The following CDC37L1 variants were observed in gnomAD, a reference collection of about 807,000 sequenced individuals.
CDC37L1 encodes the protein hsp90 co-chaperone Cdc37-like 1.
In CDC37L1, 32 loss-of-function variants were observed where a neutral mutation model predicts 45.9. The observed-to-expected ratio is 0.70, with a 90% CI of 0.53 to 0.94. The LOEUF (loss-of-function observed/expected upper bound fraction) is 0.94. Ranked by LOEUF, CDC37L1 falls within the 40% of genes least tolerant of loss-of-function variation. CDC37L1 has a pLI of 0.00. For missense variants in CDC37L1, 434 were observed against 405.7 expected (o/e 1.07, Z -0.60); for synonymous variants, 150 against 133.0 (o/e 1.13, Z -0.88).
chr9:4,688,754 A>T, intron 3 of CDC37L1, 148 bp downstream of exon 3: 1 of 489,934 alleles, frequency 2.0e-6, no homozygotes, highest in East Asian at 4.1e-5. Flanking sequence ...ATCTTGTTTT[A>T]GAATTTTTTT....
chr9:4,682,476 C>G (rs961747616), intron 1 of CDC37L1, among the ~76,000 whole-genome samples: 1 of 151,758 alleles, frequency 6.6e-6, no homozygotes, highest in Non-Finnish European at 1.5e-5. Flanking sequence ...TACAGGCACC[C>G]GCCACCATGC....
chr9:4,681,569 A>G (rs1051388681), intron 1 of CDC37L1, among the ~76,000 whole-genome samples: 8 of 150,964 alleles, frequency 5.3e-5, no homozygotes, highest in Non-Finnish European at 1.0e-4. Flanking sequence ...GTTGGAGGCA[A>G]AGGTTACAGT....
chr9:4,702,677 C>G (rs988083871), intron 6 of CDC37L1, among the ~76,000 whole-genome samples: 2 of 151,400 alleles, frequency 1.3e-5, no homozygotes, highest in South Asian at 4.2e-4. Context: ...GTCAGGAGAT[C>G]GAGACCATCC....
At position 4,693,599 on chromosome 9, in the gene CDC37L1, G is replaced by A. The variant is rs759922361; in HGVS notation, c.509-3497G>A. ...GTTGATGATGGATTGAGATTTAGAC[G>A]TTCACTAGGGAAATATATAGGTTAA... On this transcript the variant is annotated intron_variant, in intron 3 of 6. Coordinates refer to ENST00000381854, the MANE Select transcript of CDC37L1 (RefSeq NM_017913.4). Among the ~76,000 whole-genome samples, 6 of 152,116 alleles carry A rather than the reference G, an allele frequency of 3.9e-5. No homozygotes were observed. The South Asian group carries it at 8.3e-4, about 21-fold the overall frequency.
rs754718438 is a variant in CDC37L1 at position 4,706,557 on chromosome 9, A to T, written c.*445A>T. 1 of 153,002 alleles carries T rather than the reference A, an allele frequency of 6.5e-6. No individual in the cohort carries two copies. The highest frequency in any genetic ancestry group is 1.5e-5 in the Non-Finnish European group (1 of 68,178). 9.5% of individuals were successfully genotyped at this position (153,002 alleles called of 1,614,324 possible). A position where few individuals can be genotyped will look rare whatever the true frequency, so the allele number is the denominator to read the frequency against. On this transcript the variant is annotated 3_prime_UTR_variant, in exon 7 of 7. Transcript: ENST00000381854. ...ATCCCACTGCTACTTTAGCTGTCAA[A>T]TTTGGTGTTTCATCACATTAAAAGC...
At chr9:4,685,707 T>G (rs566757989) in intron 2 of CDC37L1, among the ~76,000 whole-genome samples, 1 of 152,338 alleles carries the variant, frequency 6.6e-6, no homozygotes, top group African/African-American at 2.4e-5. Context: ...GAATGAAGGC[T>G]TAGACTTTTA....
At chr9:4,690,714 C>G (rs1563769305) in intron 3 of CDC37L1, among the ~76,000 whole-genome samples, 1 of 152,186 alleles carries the variant, frequency 6.6e-6, no homozygotes, top group Non-Finnish European at 1.5e-5. Context: ...TCACACCCAG[C>G]CAGACCAATA....
intron 5 of CDC37L1, among the ~76,000 whole-genome samples, chr9:4,699,486 G>A (rs1000351610): frequency 3.9e-5 from 6 of 151,916 alleles, no homozygotes; most frequent in Non-Finnish European, 8.8e-5. Flanking sequence ...AAACAAGAGA[G>A]TGAATCAAAC....
chr9:4,690,737 G>A (rs901435629), intron 3 of CDC37L1, among the ~76,000 whole-genome samples: 1 of 152,168 alleles, frequency 6.6e-6, no homozygotes, highest in African/African-American at 2.4e-5. Flanking sequence ...CATTCCCAGA[G>A]TCACAATGTG....
At chr9:4,685,998 A>G (rs1203869376) in intron 2 of CDC37L1, among the ~76,000 whole-genome samples, 2 of 152,202 alleles carry the variant, frequency 1.3e-5, no homozygotes, top group African/African-American at 4.8e-5. Flanking sequence ...CCCTGTCTCT[A>G]TAAAAAATAC....
At chr9:4,691,291 C>T (rs939464752) in intron 3 of CDC37L1, among the ~76,000 whole-genome samples, 36 of 152,230 alleles carry the variant, frequency 2.4e-4, no homozygotes, top group African/African-American at 8.2e-4. Context: ...GGTATTAAGC[C>T]TAGTATTCAT....
intron 3 of CDC37L1, among the ~76,000 whole-genome samples, chr9:4,689,704 T>C (rs1265385556): frequency 1.3e-5 from 2 of 152,184 alleles, no homozygotes; most frequent in African/African-American, 4.8e-5. Context: ...CTTGGACAGA[T>C]AGTAAAATCT....
At chr9:4,689,667 G>T (rs1017874463) in intron 3 of CDC37L1, among the ~76,000 whole-genome samples, 17 of 151,968 alleles carry the variant, frequency 1.1e-4, no homozygotes, top group Non-Finnish European at 2.5e-4. Flanking sequence ...TATTTATAAT[G>T]GAAAAAAAAT....
In CDC37L1 at chr9:4,679,847, A is replaced by G. The variant is rs758829078; in HGVS notation, c.80A>G (p.Asp27Gly). ...EGEAEEESDF[D>G]VFPSSPRCPQ... is the part of the protein sequence containing the mutation. ...GAGGCTGAGGAAGAGAGTGACTTCG[A>G]CGTGTTCCCCAGTTCTCCCCGCTGC... The change falls in exon 1 of 7, where the codon GAC becomes GGC. Residue 27 changes from aspartate to glycine, a missense_variant. Coordinates refer to ENST00000381854, the MANE Select transcript of CDC37L1 (RefSeq NM_017913.4). 4 of 1,613,832 alleles carry G rather than the reference A, an allele frequency of 2.5e-6. No individual in the cohort carries two copies. In the Admixed American group the frequency reaches 6.7e-5, roughly 27 times the overall value.
chr9:4,686,564 C>T (rs1037457547), intron 2 of CDC37L1, among the ~76,000 whole-genome samples: 4 of 152,280 alleles, frequency 2.6e-5, no homozygotes, highest in Non-Finnish European at 5.9e-5. Context: ...GTTAATGTCT[C>T]TTCTTTAACA....
At chr9:4,702,068 A>G in intron 6 of CDC37L1, 40 bp downstream of exon 6, 3 of 1,097,074 alleles carry the variant, frequency 2.7e-6, no homozygotes, top group Non-Finnish European at 2.5e-6. Context: ...TAAGCCTATT[A>G]ATTCACATAA....
intron 6 of CDC37L1, chr9:4,703,070 C>A: frequency 6.5e-7 from 1 of 1,541,852 alleles, no homozygotes; most frequent in South Asian, 1.2e-5. Context: ...AGAGCCCAGT[C>A]ATCTCTCATT....
chr9:4,702,169 T>C lies in CDC37L1; in HGVS notation c.912+141T>C, dbSNP rs76246934. On this transcript the variant is annotated intron_variant, in intron 6 of 6. Transcript: ENST00000381854. ...TCAGAAGATAACTGTTGAATCTTAC[T>C]TCATGCCATGTTTTGGTGCTGAATC... 1,912 of 456,456 alleles carry C rather than the reference T, an allele frequency of 4.2e-3. 33 individuals carry two copies. The highest frequency in any genetic ancestry group is 0.036 in the African/African-American group (1,781 of 49,016). The allele number at this position is 456,456 out of a possible 1,614,324, so 28.3% of individuals were successfully genotyped here.
chr9:4,686,036 G>T (rs1170546247), intron 2 of CDC37L1, among the ~76,000 whole-genome samples: 2 of 152,110 alleles, frequency 1.3e-5, no homozygotes, highest in African/African-American at 4.8e-5. Flanking sequence ...GATGGCATGT[G>T]CCTGTATTGC....
Sources: gnomAD v4.1 joint callset for allele counts (sites outside exome capture counted in the v4.1 genomes callset) on GRCh38, gnomAD v4.1.1 for gene constraint, MANE v1.5 for transcripts, NCBI Gene and HGNC (gene_info 2026-07-23, HGNC 2026-07-21) for gene names.